ITGB2: variants seen among roughly 807,000 people sequenced by gnomAD.
ITGB2 encodes integrin beta-2.
ITGB2 carries 56 observed loss-of-function variants against 86.8 expected under a neutral mutation model. The observed-to-expected ratio is 0.65, with a 90% CI of 0.52 to 0.81. ITGB2 has a LOEUF of 0.81. ITGB2 is among the 30% of genes least tolerant of loss of function. The pLI is 0.00. For synonymous variants in ITGB2, 457 were observed against 450.4 expected (o/e 1.01, Z -0.19); for missense variants, 948 against 1,061.2 (o/e 0.89, Z 1.48).
intron 4 of ITGB2, 65 bp downstream of exon 4, chr21:44,906,850 A>G (rs2146538415): frequency 6.4e-7 from 1 of 1,563,920 alleles, no homozygotes; most frequent in South Asian, 1.1e-5. Flanking sequence ...GCAGGGCCGG[A>G]CTCCCAGCCA....
chr21:44,906,022 T>C (rs1208023481), intron 4 of ITGB2, among the ~76,000 whole-genome samples: 3 of 152,084 alleles, frequency 2.0e-5, no homozygotes, highest in African/African-American at 7.2e-5. Context: ...TTCCCTGGCC[T>C]CACTGTGGCC....
Position 44,895,841 on chromosome 21 carries a change from A to AAAATGAAATGAAATG in ITGB2, c.994-796_994-782dup, listed in dbSNP as rs71199643. ...GAGCAAAACTCTGTCTCAATAAAATAAAATGAAATGAAATGAAATGAAATG... is the reference window on the plus strand; with the variant it reads ...GAGCAAAACTCTGTCTCAATAAAATAAAATGAAATGAAATGAAATGAAATGAAATGAAATGAAATG... On this transcript the variant is annotated intron_variant, in intron 8 of 15. Coordinates refer to ENST00000652462, the MANE Select transcript of ITGB2 (RefSeq NM_000211.5). Among the ~76,000 whole-genome samples the AAAATGAAATGAAATG allele has an allele frequency of 6.8e-4, 88 of 129,336 alleles. No individual in the cohort carries two copies. In the South Asian group the frequency reaches 0.01, roughly 15 times the overall value. The allele number at this position is 129,336 out of a possible 152,430, so 84.8% of individuals were successfully genotyped here. A position where few individuals can be genotyped will look rare whatever the true frequency, so the allele number is the denominator to read the frequency against.
At chr21:44,920,150 C>T (rs551899314) in intron 1 of ITGB2, among the ~76,000 whole-genome samples, 1 of 152,182 alleles carries the variant, frequency 6.6e-6, no homozygotes, top group Non-Finnish European at 1.5e-5. Context: ...ATGTGCCACA[C>T]CACACCACAC....
In ITGB2 at chr21:44,903,502, C is replaced by A; in HGVS notation, c.362G>T (p.Arg121Leu). Residue 121 changes from arginine to leucine, a missense_variant, in exon 5 of 16, where the codon CGG becomes CTG. Transcript: ENST00000652462. ...CAGGTCGATGGGGTAGCCCTTGGCC[C>A]GCCGGAAGGTCACGTTGAACGCTGC... ...QAAAFNVTFR[R>L]AKGYPIDLYY... 1.2e-6 allele frequency: 2 copies of A among 1,614,046 alleles called. No homozygotes were observed. Among genetic ancestry groups the A allele is most frequent in the Non-Finnish European group, 1.7e-6 (2 of 1,179,974 alleles).
chr21:44,900,467 G>A lies in ITGB2; in HGVS notation c.750C>T (p.Ile250=), dbSNP rs944565426. ...GCAGCCGCGTGACGTTGCGCCAGCC[G>A]ATTTCCTCCTGAGAAGAAGGCGTGG... ...MMQVAACPEE[I]GWRNVTRLLV... is the part of the protein sequence containing the mutation. Residue 250 remains isoleucine (I), a synonymous_variant, in exon 7 of 16, where the codon ATC becomes ATT. Coordinates refer to ENST00000652462, the MANE Select transcript of ITGB2 (RefSeq NM_000211.5). 38 of 1,613,888 alleles carry A rather than the reference G, an allele frequency of 2.4e-5. No homozygotes were observed. The East Asian group carries it at 2.9e-4, about 12-fold the overall frequency.
At chr21:44,926,507 C>T (rs915190752) in intron 1 of ITGB2, among the ~76,000 whole-genome samples, 2 of 152,182 alleles carry the variant, frequency 1.3e-5, no homozygotes, top group African/African-American at 2.4e-5. Context: ...AACCGGCATC[C>T]GTGGGGCCAC....
At position 44,889,553 on chromosome 21, in the gene ITGB2, C is replaced by T. The variant is rs1004424001; in HGVS notation, c.1658-58G>A. ...CTTGGCCTGGGAACCGAGACCCGCC[C>T]GAAACCCCACTGCGGTTGCTCCCTC... is the stretch of plus-strand genomic sequence containing the variant. On this transcript the variant is annotated intron_variant, in intron 12 of 15. Coordinates refer to ENST00000652462, the MANE Select transcript of ITGB2 (RefSeq NM_000211.5). 75 of 1,450,278 alleles carry T rather than the reference C, an allele frequency of 5.2e-5. No homozygotes were observed. The African/African-American group carries it at 6.2e-4, about 12-fold the overall frequency. 89.8% of individuals were successfully genotyped at this position (1,450,278 alleles called of 1,614,324 possible).
At chr21:44,921,536 G>T (rs941023801), upstream of ITGB2, among the ~76,000 whole-genome samples, 4 of 151,834 alleles carry the variant, frequency 2.6e-5, no homozygotes, top group Non-Finnish European at 5.9e-5. Flanking sequence ...ACATTAGGAG[G>T]ATACCACAGA....
intron 1 of ITGB2, among the ~76,000 whole-genome samples, chr21:44,915,538 G>A (rs1270783656): frequency 6.6e-6 from 1 of 152,250 alleles, no homozygotes; most frequent in African/African-American, 2.4e-5. Context: ...AGGTTGGAAG[G>A]AAGAGGACAT....
Position 44,886,286 on chromosome 21 carries a change from A to C in ITGB2, c.*82T>G, listed in dbSNP as rs1412770559. The C allele has an allele frequency of 1.6e-6, 2 of 1,247,650 alleles. No homozygotes were observed. Among genetic ancestry groups the C allele is most frequent in the African/African-American group, 1.5e-5 (1 of 67,734 alleles). The allele number at this position is 1,247,650 out of a possible 1,614,324, so 77.3% of individuals were successfully genotyped here. On this transcript the variant is annotated 3_prime_UTR_variant, in exon 16 of 16. Transcript: ENST00000652462. ...TTTCTGGTTAATTGGTGACATCCTC[A>C]AGAGCTGTGGCAAGCCATGTCTCGG...
At chr21:44,914,936 A>G (rs112160070) in intron 1 of ITGB2, among the ~76,000 whole-genome samples, 19 of 152,022 alleles carry the variant, frequency 1.2e-4, no homozygotes, top group African/African-American at 4.1e-4. Context: ...CTGTCTCAAA[A>G]AAAAAAGAAA....
chr21:44,887,997 G>C (rs1163701696), intron 14 of ITGB2, among the ~76,000 whole-genome samples: 1 of 152,240 alleles, frequency 6.6e-6, no homozygotes, highest in Non-Finnish European at 1.5e-5. Flanking sequence ...CCTCTCAGGA[G>C]CCTGTGGAAC....
At chr21:44,889,557 ACCCCACTGCGGTTGCTCCCTCCGG>A in intron 12 of ITGB2, 62 bp from the exon 13 acceptor site, 1 of 1,439,258 alleles carries the variant, frequency 6.9e-7, no homozygotes, top group South Asian at 1.2e-5. Context: ...CCCGCCCGAA[ACCCCACTGCGGTTGCTCCCTCCGG>A]CCCGCCTGCC....
chr21:44,888,422 G>A (rs1479705149), intron 14 of ITGB2, among the ~76,000 whole-genome samples: 1 of 152,268 alleles, frequency 6.6e-6, no homozygotes, highest in Non-Finnish European at 1.5e-5. Flanking sequence ...CCTGCCCGGT[G>A]TGGAGCAGTG....
chr21:44,900,283 G>A, intron 7 of ITGB2, 37 bp downstream of exon 7: 1 of 1,612,818 alleles, frequency 6.2e-7, no homozygotes, highest in South Asian at 1.1e-5. Flanking sequence ...GTGGTGTCCT[G>A]CCAGGCGGTG....
intron 8 of ITGB2, among the ~76,000 whole-genome samples, chr21:44,895,883 T>TAAATA (rs55951728): frequency 2.4e-5 from 3 of 127,466 alleles, no homozygotes; most frequent in Non-Finnish European, 3.1e-5. Context: ...AATAAAAAAA[T>TAAATA]AAATAAAATA....
At chr21:44,921,549 A>G (rs2084305074), upstream of ITGB2, among the ~76,000 whole-genome samples, 1 of 151,892 alleles carries the variant, frequency 6.6e-6, no homozygotes, top group Admixed American at 6.6e-5. Flanking sequence ...ACCACAGAAC[A>G]CGAAAGGGAA....
chr21:44,910,307 CG>C lies in ITGB2; in HGVS notation c.123del (p.Gly42AlafsTer8). On this transcript the variant is annotated frameshift_variant, in exon 3 of 16. Coordinates refer to ENST00000652462, the MANE Select transcript of ITGB2 (RefSeq NM_000211.5). LOFTEE classifies it high-confidence loss of function. ...SSCRECIESG[P>X]GCTWCQKLNF... ...ACCAGCTTCTGGCACCAGGTGCAGC[CG>C]GGCCCCGACTCGATGCATTCCCGGC... 1 of 1,614,074 alleles carries C rather than the reference CG, an allele frequency of 6.2e-7. No individual in the cohort carries two copies. Among genetic ancestry groups the C allele is most frequent in the Non-Finnish European group, 8.5e-7 (1 of 1,180,006 alleles).
Position 44,888,687 on chromosome 21 carries a change from C to G in ITGB2, c.2080+6G>C, listed in dbSNP as rs1044311307. On this transcript the variant is annotated splice_donor_region_variant and intron_variant, in intron 14 of 15. Coordinates refer to ENST00000652462, the MANE Select transcript of ITGB2 (RefSeq NM_000211.5). ...GCCGGTCCCCGCTGCACCCCAGCGG[C>G]CTCACCTCGGCTCTCATCCACATAG... 2 of 1,606,460 alleles carry G rather than the reference C, an allele frequency of 1.2e-6. No homozygotes were observed. The highest frequency in any genetic ancestry group is 3.3e-5 in the Admixed American group (2 of 60,024).
Sources: allele counts gnomAD v4.1 joint callset (sites outside exome capture counted in the v4.1 genomes callset), GRCh38; gene constraint gnomAD v4.1.1; transcripts MANE v1.5; gene names NCBI Gene and HGNC (gene_info 2026-07-23, HGNC 2026-07-21).